Variants in LRRFIP1 observed in about 807,000 individuals in gnomAD.
LRRFIP1 encodes the protein leucine-rich repeat flightless-interacting protein 1.
Under a neutral mutation model 104.4 loss-of-function variants are expected in LRRFIP1, and 62 were observed. The observed-to-expected ratio is 0.59, with a 90% CI of 0.48 to 0.73. LRRFIP1 has a LOEUF of 0.73. Ranked by LOEUF, LRRFIP1 falls within the 30% of genes least tolerant of loss-of-function variation. LRRFIP1 has a pLI of 0.00. For missense variants in LRRFIP1, 796 were observed against 824.5 expected (o/e 0.97, Z 0.42); for synonymous variants, 300 against 299.0 (o/e 1.00, Z -0.03).
At chr2:237,757,743 G>A (rs187176040) in intron 17 of LRRFIP1, among the ~76,000 whole-genome samples, 195 bp downstream of exon 17, 1 of 152,192 alleles carries the variant, frequency 6.6e-6, no homozygotes, top group Non-Finnish European at 1.5e-5. Flanking sequence ...TATGAACTTG[G>A]ATTGTGACAC....
intron 1 of LRRFIP1, among the ~76,000 whole-genome samples, chr2:237,698,144 T>A (rs1559578252): frequency 6.6e-6 from 1 of 152,148 alleles, no homozygotes. Flanking sequence ...TAAAGAAGCT[T>A]ATTATTCTGA....
intron 6 of LRRFIP1, among the ~76,000 whole-genome samples, chr2:237,722,426 T>C (rs2094567601): frequency 6.6e-6 from 1 of 152,180 alleles, no homozygotes; most frequent in Non-Finnish European, 1.5e-5. Flanking sequence ...ACCATTGCAA[T>C]ATGAACGAGT....
chr2:237,711,789 G>A lies in LRRFIP1; in HGVS notation c.184-2470G>A, dbSNP rs149441987. The stretch of plus-strand genomic sequence containing the variant: ...GGACACCGAGTGAAGCAGCTCTACC[G>A]GGGGGTGGGGAAGCCACTCCTTGTG... On this transcript the variant is annotated intron_variant, in intron 2 of 23. Transcript: ENST00000308482. This position sits in a 1 kb window ranked among gnomAD's most constrained non-coding sequence, Gnocchi z 4.4. Among the ~76,000 whole-genome samples, 463 of 152,240 alleles carry A rather than the reference G, an allele frequency of 3.0e-3. 3 individuals carry two copies. The highest frequency in any genetic ancestry group is 0.011 in the African/African-American group (438 of 41,544).
At position 237,729,778 on chromosome 2, in the gene LRRFIP1, A is replaced by G. The variant is rs941565236; in HGVS notation, c.444+1843A>G. On this transcript the variant is annotated intron_variant, in intron 8 of 23. Transcript: ENST00000308482. The stretch of plus-strand genomic sequence containing the variant: ...AAACGTGTTTTCTTCTTTGGTGCTC[A>G]GAATTCCAGCTACAGCGGTGACAGC... 5 of 985,236 alleles carry G rather than the reference A, an allele frequency of 5.1e-6. No homozygotes were observed. The Admixed American group carries it at 3.1e-4, about 61-fold the overall frequency. 61.0% of individuals were successfully genotyped at this position (985,236 alleles called of 1,614,324 possible). A position where few individuals can be genotyped will look rare whatever the true frequency, so the allele number is the denominator to read the frequency against.
Position 237,629,255 on chromosome 2 carries a change from G to T in LRRFIP1, c.96+1515G>T, listed in dbSNP as rs182151936. On this transcript the variant is annotated intron_variant, in intron 1 of 23. Coordinates refer to ENST00000308482, the MANE Select transcript of LRRFIP1 (RefSeq NM_001137550.2). ...GACCTTTGGCTAAATATAGACATTT[G>T]CTAAATATAGTAGCTTGAGTATAAC... 2.6e-5 allele frequency among the ~76,000 whole-genome samples: 4 copies of T among 152,330 alleles called. No individual in the cohort carries two copies. In the East Asian group the frequency reaches 5.8e-4, roughly 22 times the overall value.
chr2:237,770,642 A>C (rs1287612633), intron 20 of LRRFIP1: 4 of 152,224 alleles, frequency 2.6e-5, no homozygotes, highest in African/African-American at 9.7e-5. Context: ...AAAATACAAA[A>C]ATTAGCCGGG....
rs373624585 is a variant in LRRFIP1, at chr2:237,780,628, C to T, written c.*1096C>T. Among the ~76,000 whole-genome samples, 11 of 152,222 alleles carry T rather than the reference C, an allele frequency of 7.2e-5. No homozygotes were observed. The highest frequency in any genetic ancestry group is 1.9e-4 in the East Asian group (1 of 5,180). On this transcript the variant is annotated 3_prime_UTR_variant, in exon 24 of 24. Coordinates refer to ENST00000308482, the MANE Select transcript of LRRFIP1 (RefSeq NM_001137550.2). ...TGGCTGGTGAAGCCAGTCAGCTTTT[C>T]GGGACGTTAGCAAGTGGAAACTGAG...
intron 6 of LRRFIP1, among the ~76,000 whole-genome samples, 174 bp from the exon 7 acceptor site, chr2:237,723,374 A>G (rs1048386805): frequency 2.6e-5 from 4 of 152,256 alleles, no homozygotes; most frequent in African/African-American, 9.6e-5. Context: ...GGTAGCTACC[A>G]TTCTGACATA....
At chr2:237,757,817 C>T (rs1423959470) in intron 17 of LRRFIP1, among the ~76,000 whole-genome samples, 1 of 151,982 alleles carries the variant, frequency 6.6e-6, no homozygotes, top group Non-Finnish European at 1.5e-5. Context: ...GTGGCTGGGC[C>T]GGGCCGGTGG....
rs1559776959 is a variant in LRRFIP1, at chr2:237,749,332, GCT to G, written c.795+13_795+14del. 2 of 1,612,758 alleles carry G rather than the reference GCT, an allele frequency of 1.2e-6. No homozygotes were observed. Among genetic ancestry groups the G allele is most frequent in the Non-Finnish European group, 1.7e-6 (2 of 1,179,788 alleles). Reference sequence around the variant, plus strand: ...TCCATCAGGGAAATCAAGGTGAGATGCTCTCTTCTTACTGACAACTTGAGAGA... The same window carrying G: ...TCCATCAGGGAAATCAAGGTGAGATGCTCTTCTTACTGACAACTTGAGAGA... On this transcript the variant is annotated intron_variant, in intron 13 of 23. Coordinates refer to ENST00000308482, the MANE Select transcript of LRRFIP1 (RefSeq NM_001137550.2).
chr2:237,642,544 T>TTCCAGGC (rs543008868), intron 1 of LRRFIP1, among the ~76,000 whole-genome samples: 3 of 151,894 alleles, frequency 2.0e-5, no homozygotes, highest in South Asian at 2.1e-4. Context: ...AGGTTCCAGG[T>TTCCAGGC]TCCAGGCTCC....
chr2:237,716,143 C>T (rs1027700724), intron 3 of LRRFIP1, among the ~76,000 whole-genome samples: 3 of 152,036 alleles, frequency 2.0e-5, no homozygotes, highest in African/African-American at 7.2e-5. Flanking sequence ...ATTTTGCTTC[C>T]CTCTTTCTAG....
intron 1 of LRRFIP1, among the ~76,000 whole-genome samples, chr2:237,658,820 G>A (rs2087307708): frequency 6.6e-6 from 1 of 152,178 alleles, no homozygotes. Flanking sequence ...CCTTTGACAT[G>A]CGGAGATTAT....
chr2:237,728,675 A>G (rs1484807104), intron 8 of LRRFIP1, among the ~76,000 whole-genome samples: 1 of 152,152 alleles, frequency 6.6e-6, no homozygotes, highest in East Asian at 1.9e-4. Flanking sequence ...TCCTGTTCTC[A>G]TGCTTCATTT....
At chr2:237,688,044 T>G (rs1432795871) in intron 1 of LRRFIP1, among the ~76,000 whole-genome samples, 1 of 152,246 alleles carries the variant, frequency 6.6e-6, no homozygotes, top group African/African-American at 2.4e-5. Context: ...GCTACTGGCC[T>G]TTCGTTCTTT....
chr2:237,699,919 C>T (rs1158751058), intron 1 of LRRFIP1, among the ~76,000 whole-genome samples: 1 of 152,220 alleles, frequency 6.6e-6, no homozygotes, highest in Non-Finnish European at 1.5e-5. Context: ...AGGGAAGGCT[C>T]TTTGTGGTTC....
intron 11 of LRRFIP1, among the ~76,000 whole-genome samples, chr2:237,748,151 C>T (rs950164324): frequency 3.9e-5 from 6 of 152,134 alleles, no homozygotes; most frequent in Admixed American, 6.5e-5. Context: ...TCCTCAGGGA[C>T]GTCCAAATGA....
chr2:237,697,998 C>T (rs553765473), intron 1 of LRRFIP1, among the ~76,000 whole-genome samples: 15 of 152,292 alleles, frequency 9.8e-5, no homozygotes, highest in African/African-American at 2.2e-4. Flanking sequence ...TATTTCTTAG[C>T]GCCAGTGGGA....
At position 237,659,893 on chromosome 2, in the gene LRRFIP1, C is replaced by T. The variant is rs551014182; in HGVS notation, c.96+32153C>T. Among the ~76,000 whole-genome samples the T allele has an allele frequency of 9.9e-5, 15 of 152,254 alleles. 1 individual carries two copies. The South Asian group carries it at 3.1e-3, about 32-fold the overall frequency. The stretch of plus-strand genomic sequence containing the variant: ...GCCTCAAGCAATCCTCTCCCCTCAG[C>T]CTCCCAAAGTGTTGGTATTACAGGC... On this transcript the variant is annotated intron_variant, in intron 1 of 23. Coordinates refer to ENST00000308482, the MANE Select transcript of LRRFIP1 (RefSeq NM_001137550.2).
Sources: allele counts gnomAD v4.1 joint callset (sites outside exome capture counted in the v4.1 genomes callset), GRCh38; gene constraint gnomAD v4.1.1; non-coding constraint Gnocchi (gnomAD v3.1); transcripts MANE v1.5; gene names NCBI Gene and HGNC (gene_info 2026-07-23, HGNC 2026-07-21).